SAMD4B: variants seen among roughly 807,000 people sequenced by gnomAD.
SAMD4B encodes protein Smaug homolog 2.
A neutral mutation model predicts 74.5 loss-of-function variants in SAMD4B; 5 were observed. That is an observed-to-expected ratio of 0.07 (90% confidence interval 0.04 to 0.14). The LOEUF (loss-of-function observed/expected upper bound fraction) is 0.14. Among genes scored for constraint, SAMD4B ranks in the 10% least tolerant of loss-of-function variants. The pLI is 1.00. For synonymous variants in SAMD4B, 373 were observed against 374.9 expected (o/e 1.00, Z 0.06); for missense variants, 608 against 921.8 (o/e 0.66, Z 4.41).
In SAMD4B at chr19:39,349,211, C is replaced by G. The variant is rs191836231; in HGVS notation, c.-266-4795C>G. Among the ~76,000 whole-genome samples, 9 of 152,136 alleles carry G rather than the reference C, an allele frequency of 5.9e-5. No homozygotes were observed. The East Asian group carries it at 1.5e-3, about 26-fold the overall frequency. On this transcript the variant is annotated intron_variant, in intron 1 of 13. Transcript: ENST00000610417. Reference sequence around the variant, plus strand: ...TGGGTCTTTGGGAAATGGAAGAAGTCAAAGATGACTCAAAAAAATGTCTCA... The same window carrying G: ...TGGGTCTTTGGGAAATGGAAGAAGTGAAAGATGACTCAAAAAAATGTCTCA...
chr19:39,386,645 A>G (rs1463810199), downstream of SAMD4B: 1 of 1,598,132 alleles, frequency 6.3e-7, no homozygotes. The surrounding 1 kb of genome is among the most constrained non-coding windows in gnomAD (Gnocchi z 6.1). Context: ...CTCACCTACA[A>G]CCACCACCCT....
intron 8 of SAMD4B, 90 bp downstream of exon 8, chr19:39,377,914 G>A: frequency 7.9e-7 from 1 of 1,271,730 alleles, no homozygotes; most frequent in Non-Finnish European, 1.1e-6. Context: ...TCGATGGTGG[G>A]AGCAGGGCTT....
intron 1 of SAMD4B, among the ~76,000 whole-genome samples, chr19:39,352,694 G>T (rs2076116230): frequency 6.6e-6 from 1 of 151,334 alleles, no homozygotes; most frequent in South Asian, 2.1e-4. Flanking sequence ...CGAAAGCTTT[G>T]CTTCTATCGT....
intron 12 of SAMD4B, 130 bp downstream of exon 12, chr19:39,381,243 T>C: frequency 9.1e-7 from 1 of 1,093,220 alleles, no homozygotes; most frequent in Non-Finnish European, 1.3e-6. Context: ...CACACCACTC[T>C]GCACCCATCT....
downstream of SAMD4B, chr19:39,389,727 G>C (rs2078331977): frequency 6.2e-7 from 1 of 1,614,030 alleles, no homozygotes; most frequent in Non-Finnish European, 8.5e-7. This position sits in a 1 kb window ranked among gnomAD's most constrained non-coding sequence, Gnocchi z 5.3. Flanking sequence ...TGTTTGTGCT[G>C]TTTCTCCAAG....
At chr19:39,388,480 G>A (rs1411817192), downstream of SAMD4B, 5 of 1,613,978 alleles carry the variant, frequency 3.1e-6, no homozygotes, top group Non-Finnish European at 4.2e-6. Flanking sequence ...GAAGATGAGG[G>A]CACAGGTTCA....
intron 7 of SAMD4B, among the ~76,000 whole-genome samples, 154 bp downstream of exon 7, chr19:39,376,945 C>T (rs2077634520): frequency 6.6e-6 from 1 of 152,208 alleles, no homozygotes; most frequent in Admixed American, 6.5e-5. Flanking sequence ...TGCAAGCCGG[C>T]ATCAAAAGGC....
At chr19:39,387,358 T>C (rs569770459), downstream of SAMD4B, 1 of 186,524 alleles carries the variant, frequency 5.4e-6, no homozygotes, top group South Asian at 9.2e-5. Context: ...TGCAGTGCAT[T>C]ACTGTATGTG....
At chr19:39,364,095 C>T (rs1206136976) in intron 3 of SAMD4B, among the ~76,000 whole-genome samples, 1 of 152,246 alleles carries the variant, frequency 6.6e-6, no homozygotes, top group Non-Finnish European at 1.5e-5. Flanking sequence ...AATCAGCCTC[C>T]ATTTGTCCAA....
At chr19:39,344,955 C>T (rs2075603930) in intron 1 of SAMD4B, among the ~76,000 whole-genome samples, 1 of 152,192 alleles carries the variant, frequency 6.6e-6, no homozygotes, top group Non-Finnish European at 1.5e-5. Flanking sequence ...AGGACCTCCT[C>T]ACCAAATAAT....
At chr19:39,354,651 AG>A (rs2076242895) in intron 2 of SAMD4B, among the ~76,000 whole-genome samples, 1 of 152,208 alleles carries the variant, frequency 6.6e-6, no homozygotes, top group Non-Finnish European at 1.5e-5. Flanking sequence ...GGAATGAAAT[AG>A]TGTTAATATA....
intron 1 of SAMD4B, among the ~76,000 whole-genome samples, chr19:39,344,529 G>T (rs1368442): frequency 0.38 from 56,990 of 151,952 alleles, 13,492 homozygotes; most frequent in Non-Finnish European, 0.53. Flanking sequence ...CTTTCCCTCA[G>T]ATTCCACTTC....
chr19:39,356,502 C>G (rs566354568), intron 2 of SAMD4B, among the ~76,000 whole-genome samples, 187 bp from the exon 3 acceptor site: 1 of 152,308 alleles, frequency 6.6e-6, no homozygotes, highest in South Asian at 2.1e-4. Context: ...CGCCTTTTCT[C>G]TGGATCTGAA....
chr19:39,389,618 C>T, downstream of SAMD4B: 1 of 1,614,220 alleles, frequency 6.2e-7, no homozygotes, highest in Non-Finnish European at 8.5e-7. This position sits in a 1 kb window ranked among gnomAD's most constrained non-coding sequence, Gnocchi z 5.3. Flanking sequence ...CTAGAGCAGA[C>T]CCTCCCTGTC....
At position 39,383,114 on chromosome 19, in the gene SAMD4B, C is replaced by T. The variant is rs913476731; in HGVS notation, c.1973-94C>T. On this transcript the variant is annotated intron_variant, in intron 12 of 13. Transcript: ENST00000610417. The surrounding 1 kb of genome is among the most constrained non-coding windows in gnomAD (Gnocchi z 4.1). The stretch of plus-strand genomic sequence containing the variant: ...TCCCTCTCCCCCTCCATCTCTCTTG[C>T]TCCCTTCCCATACCAGCATCCTTTG... 2.0e-6 allele frequency: 2 copies of T among 995,120 alleles called. No individual in the cohort carries two copies. Among genetic ancestry groups the T allele is most frequent in the African/African-American group, 1.6e-5 (1 of 63,058 alleles). 61.6% of individuals were successfully genotyped at this position (995,120 alleles called of 1,614,324 possible). A position where few individuals can be genotyped will look rare whatever the true frequency, so the allele number is the denominator to read the frequency against.
At chr19:39,386,183 A>G, downstream of SAMD4B, 1 of 1,614,086 alleles carries the variant, frequency 6.2e-7, no homozygotes, top group Non-Finnish European at 8.5e-7. The surrounding 1 kb of genome is among the most constrained non-coding windows in gnomAD (Gnocchi z 6.1). Flanking sequence ...CTCTGTCCTC[A>G]TCATCAGAGT....
At chr19:39,386,873 A>G, downstream of SAMD4B, 1 of 991,722 alleles carries the variant, frequency 1.0e-6, no homozygotes, top group Non-Finnish European at 1.6e-6. This position sits in a 1 kb window ranked among gnomAD's most constrained non-coding sequence, Gnocchi z 6.1. Context: ...CCCGCCCCCC[A>G]GTGAGGGGTC....
chr19:39,358,746 A>G (rs1568350006), intron 3 of SAMD4B, among the ~76,000 whole-genome samples: 1 of 152,224 alleles, frequency 6.6e-6, no homozygotes, highest in Non-Finnish European at 1.5e-5. Context: ...GTTAATTGTC[A>G]ATAACTCACT....
At chr19:39,389,201 A>G (rs1304147935), downstream of SAMD4B, 1 of 1,613,648 alleles carries the variant, frequency 6.2e-7, no homozygotes, top group Admixed American at 1.7e-5. The surrounding 1 kb of genome is among the most constrained non-coding windows in gnomAD (Gnocchi z 5.3). Context: ...CCCCAATCCT[A>G]GGAATGAAGA....
Sources: allele counts gnomAD v4.1 joint callset (sites outside exome capture counted in the v4.1 genomes callset), GRCh38; gene constraint gnomAD v4.1.1; non-coding constraint Gnocchi (gnomAD v3.1); transcripts MANE v1.5; gene names NCBI Gene and HGNC (gene_info 2026-07-23, HGNC 2026-07-21).